Variants in INTS8 observed in about 807,000 individuals in gnomAD.
The protein encoded by INTS8 is integrator complex subunit 8.
In INTS8, 47 loss-of-function variants were observed where a neutral mutation model predicts 138.9. That is an observed-to-expected ratio of 0.34 (90% CI 0.27 to 0.43). The LOEUF (loss-of-function observed/expected upper bound fraction) is 0.43, where lower values mean the gene tolerates loss of function less well. INTS8 is among the 20% of genes least tolerant of loss of function. INTS8 has a pLI of 1.00. For missense variants in INTS8, 996 were observed against 1,173.0 expected (o/e 0.85, Z 2.20); for synonymous variants, 392 against 400.9 (o/e 0.98, Z 0.27).
chr8:94,846,297 G>A (rs1405351063), intron 10 of INTS8, among the ~76,000 whole-genome samples: 2 of 151,922 alleles, frequency 1.3e-5, no homozygotes, highest in East Asian at 3.8e-4. Flanking sequence ...TCTTTGAGAT[G>A]GAGTTTCTTT....
At chr8:94,855,988 A>G (rs1395585105) in intron 14 of INTS8, among the ~76,000 whole-genome samples, 1 of 152,192 alleles carries the variant, frequency 6.6e-6, no homozygotes, top group Non-Finnish European at 1.5e-5. Flanking sequence ...CAGATTTGGG[A>G]ATTACCAAAG....
In INTS8 at chr8:94,848,765, A is replaced by G. The variant is rs149935086; in HGVS notation, c.1261-697A>G. Among the ~76,000 whole-genome samples the G allele has an allele frequency of 5.8e-4, 88 of 152,322 alleles. 2 individuals carry two copies. The East Asian group carries it at 0.013, about 22-fold the overall frequency. ...TTTGGCTACTATGATTAATACTACT[A>G]TGAACATTCTATTTTGTGTGTGTGT... On this transcript the variant is annotated intron_variant, in intron 10 of 26. Coordinates refer to ENST00000523731, the MANE Select transcript of INTS8 (RefSeq NM_017864.4).
intron 17 of INTS8, 21 bp downstream of exon 17, chr8:94,865,711 A>G (rs200666450): frequency 3.3e-5 from 53 of 1,601,934 alleles, no homozygotes; most frequent in East Asian, 1.3e-4. Flanking sequence ...GTACGTTTCT[A>G]TTAGTTGTGT....
rs149334828 is a variant in INTS8 at position 94,827,124 on chromosome 8, T to G, written c.306-139T>G. On this transcript the variant is annotated intron_variant, in intron 2 of 26. Coordinates refer to ENST00000523731, the MANE Select transcript of INTS8 (RefSeq NM_017864.4). ...TGTCTCAAAAAAAAGAAAAAAAAAC[T>G]TTTTCACATTTGATAGCTAAACCCA... 612 of 744,418 alleles carry G rather than the reference T, an allele frequency of 8.2e-4. 5 individuals are homozygous for G. The East Asian group carries it at 0.016, about 19-fold the overall frequency. 46.1% of individuals were successfully genotyped at this position (744,418 alleles called of 1,614,324 possible).
In INTS8 at chr8:94,851,534, AAT is replaced by A; in HGVS notation, c.1508-15_1508-14del. 1 of 1,518,872 alleles carries A rather than the reference AAT, an allele frequency of 6.6e-7. No homozygotes were observed. The highest frequency in any genetic ancestry group is 8.9e-7 in the Non-Finnish European group (1 of 1,124,626). The allele number at this position is 1,518,872 out of a possible 1,614,324, so 94.1% of individuals were successfully genotyped here. ...GTATATCTTTGAATTAAATCATTGA[AAT>A]ATAAATCTTTTTTTAGCTTCAGCAA... is the stretch of plus-strand genomic sequence containing the variant. On this transcript the variant is annotated splice_polypyrimidine_tract_variant and intron_variant, in intron 12 of 26. Coordinates refer to ENST00000523731, the MANE Select transcript of INTS8 (RefSeq NM_017864.4).
intron 5 of INTS8, 115 bp downstream of exon 5, chr8:94,829,141 G>A: frequency 2.7e-6 from 2 of 740,398 alleles, no homozygotes; most frequent in Non-Finnish European, 4.7e-6. Context: ...CAGGAAACTG[G>A]ATGTGGTGTG....
chr8:94,855,079 GTCCTAGACCTAA>G (rs1378603844), intron 14 of INTS8, among the ~76,000 whole-genome samples: 1 of 152,076 alleles, frequency 6.6e-6, no homozygotes, highest in Non-Finnish European at 1.5e-5. Flanking sequence ...TTGGGGCCCT[GTCCTAGACCTAA>G]TGGATCAGAA....
Position 94,876,559 on chromosome 8 carries a change from C to T in INTS8, c.2871+70C>T. 5.2e-6 allele frequency: 5 copies of T among 963,324 alleles called. No homozygotes were observed. The Middle Eastern group carries it at 8.7e-4, about 168-fold the overall frequency. The allele number at this position is 963,324 out of a possible 1,614,324, so 59.7% of individuals were successfully genotyped here. On this transcript the variant is annotated intron_variant, in intron 26 of 26. Coordinates refer to ENST00000523731, the MANE Select transcript of INTS8 (RefSeq NM_017864.4). ...ATTAAACAATTGTTAAGATGTGAAC[C>T]AACAAAAAATAGATTTTGTGTACCT...
chr8:94,869,422 G>C (rs190779119), intron 20 of INTS8, among the ~76,000 whole-genome samples: 1 of 152,044 alleles, frequency 6.6e-6, no homozygotes, highest in African/African-American at 2.4e-5. Flanking sequence ...CACCTTCCAG[G>C]TTTGAGCAAT....
rs1816562155 is a variant in INTS8, at chr8:94,876,295, C to T, written c.2827+10C>T. On this transcript the variant is annotated intron_variant, in intron 25 of 26. Transcript: ENST00000523731. ...TTGGAATACTTGACTTGTATCCTTT[C>T]ATCCATGTGTGTGATGTTAGAATGA... 2 of 1,594,348 alleles carry T rather than the reference C, an allele frequency of 1.3e-6. No individual in the cohort carries two copies. Among genetic ancestry groups the T allele is most frequent in the Admixed American group, 1.7e-5 (1 of 59,926 alleles).
At position 94,849,492 on chromosome 8, in the gene INTS8, G is replaced by T; in HGVS notation, c.1291G>T (p.Ala431Ser). 1 of 1,566,558 alleles carries T rather than the reference G, an allele frequency of 6.4e-7. No individual in the cohort carries two copies. The highest frequency in any genetic ancestry group is 8.7e-7 in the Non-Finnish European group (1 of 1,149,804). ...TTCAAGATCAGTAAATTTAGAAAAAGCTTCAGAGTCTTTGAAAGGAAACAT... is the reference window on the plus strand; with the variant it reads ...TTCAAGATCAGTAAATTTAGAAAAATCTTCAGAGTCTTTGAAAGGAAACAT... ...VCSRSVNLEK[A>S]SESLKGNMAA... The change falls in exon 11 of 27, where the codon GCT (alanine) becomes TCT (serine). Residue 431 changes from alanine to serine, a missense_variant. Physicochemically the swap from Ala to Ser is moderately conservative, Grantham distance 99 (BLOSUM62 1). Coordinates refer to ENST00000523731, the MANE Select transcript of INTS8 (RefSeq NM_017864.4).
intron 16 of INTS8, among the ~76,000 whole-genome samples, chr8:94,861,256 A>ATGTTTTT (rs1815962214): frequency 1.0e-4 from 6 of 57,376 alleles, no homozygotes; most frequent in African/African-American, 4.4e-4. Context: ...CCTTTTTGTA[A>ATGTTTTT]TTTTTTTTTT....
chr8:94,831,701 C>T (rs562288676), intron 5 of INTS8, among the ~76,000 whole-genome samples: 4 of 151,614 alleles, frequency 2.6e-5, no homozygotes, highest in Non-Finnish European at 4.4e-5. Context: ...AGGCTGGTCT[C>T]GAACTCCTGA....
intron 5 of INTS8, among the ~76,000 whole-genome samples, chr8:94,831,482 C>CTTTTTT (rs11482467): frequency 3.3e-5 from 4 of 121,578 alleles, no homozygotes; most frequent in Non-Finnish European, 5.0e-5. Flanking sequence ...TTGTCTTTTT[C>CTTTTTT]TTTTTTTTTT....
intron 10 of INTS8, among the ~76,000 whole-genome samples, chr8:94,847,508 C>T (rs1815374189): frequency 6.6e-6 from 1 of 151,964 alleles, no homozygotes; most frequent in Non-Finnish European, 1.5e-5. Context: ...CCAGTAAAGT[C>T]TGGGCCTGGG....
rs757157062 is a variant in INTS8, at chr8:94,827,410, G to A, written c.446+7G>A. The A allele has an allele frequency of 6.2e-7, 1 of 1,613,900 alleles. No individual in the cohort carries two copies. Among genetic ancestry groups the A allele is most frequent in the East Asian group, 2.2e-5 (1 of 44,882 alleles). Reference sequence around the variant, plus strand: ...TACTTCTCTATAATAGATGGTAAATGTTTTCATAAACTCAGAAGGCGTTGG... The same window carrying A: ...TACTTCTCTATAATAGATGGTAAATATTTTCATAAACTCAGAAGGCGTTGG... On this transcript the variant is annotated splice_region_variant and intron_variant, in intron 3 of 26. Coordinates refer to ENST00000523731, the MANE Select transcript of INTS8 (RefSeq NM_017864.4).
intron 8 of INTS8, 80 bp from the exon 9 acceptor site, chr8:94,841,411 C>T: frequency 1.7e-6 from 1 of 587,250 alleles, no homozygotes; most frequent in East Asian, 3.0e-5. Context: ...TTGTATTTTC[C>T]ATTATAGAAA....
intron 10 of INTS8, 78 bp downstream of exon 10, chr8:94,842,566 A>G (rs1815174208): frequency 1.7e-6 from 2 of 1,205,244 alleles, no homozygotes; most frequent in Middle Eastern, 2.4e-4. Context: ...TGCCAAATCC[A>G]GTTCCTTTTT....
chr8:94,877,757 T>G (rs1816614813), intron 26 of INTS8, among the ~76,000 whole-genome samples: 1 of 152,204 alleles, frequency 6.6e-6, no homozygotes, highest in African/African-American at 2.4e-5. Flanking sequence ...ACAATTGTTC[T>G]GTTAGATCTT....
Sources: gnomAD v4.1 joint callset for allele counts (sites outside exome capture counted in the v4.1 genomes callset) on GRCh38, gnomAD v4.1.1 for gene constraint, MANE v1.5 for transcripts, NCBI Gene and HGNC (gene_info 2026-07-23, HGNC 2026-07-21) for gene names.